CHLSN: variants seen among roughly 807,000 people sequenced by gnomAD.
CHLSN encodes protein cholesin.
At chr7:986,210 C>T in the CHLSN span, among the ~76,000 whole-genome samples, 2 of 152,088 alleles carry the variant, frequency 1.3e-5, no homozygotes, top group South Asian at 2.1e-4. Context: ...CAGGCAGTCA[C>T]GGAGCACCCG....
the CHLSN span, among the ~76,000 whole-genome samples, chr7:1,070,825 A>ACACGTTCG: frequency 6.8e-6 from 1 of 147,318 alleles, no homozygotes. Context: ...CCACACGTGC[A>ACACGTTCG]CACATATACA....
the CHLSN span, among the ~76,000 whole-genome samples, chr7:1,123,503 C>T: frequency 2.0e-4 from 30 of 152,120 alleles, no homozygotes; most frequent in Non-Finnish European, 3.7e-4. The surrounding 1 kb of genome is among the most constrained non-coding windows in gnomAD (Gnocchi z 4.4). Context: ...CAGTACTTTT[C>T]CACACGCTCC....
the CHLSN span, among the ~76,000 whole-genome samples, chr7:1,109,752 C>T: frequency 6.6e-6 from 1 of 151,988 alleles, no homozygotes; most frequent in Admixed American, 6.6e-5. Flanking sequence ...GGCGGCGGAG[C>T]CCTTCCCGCC....
chr7:1,138,196 CA>C, the CHLSN span: 1 of 55,114 alleles, frequency 1.8e-5, no homozygotes, highest in African/African-American at 1.4e-4. Context: ...TACCTGCGCC[CA>C]CCTGCGCCCA....
the CHLSN span, chr7:1,010,272 T>TAATGATAC: frequency 1.2e-6 from 1 of 817,706 alleles, no homozygotes; most frequent in Admixed American, 3.1e-5. Flanking sequence ...GCACTGGGTC[T>TAATGATAC]GGCCCCAGCC....
chr7:1,130,430 G>A, the CHLSN span, among the ~76,000 whole-genome samples: 2 of 152,178 alleles, frequency 1.3e-5, no homozygotes, highest in South Asian at 2.1e-4. Flanking sequence ...GGAGAAGCAG[G>A]GGCCCGGCCC....
At chr7:1,085,538 G>C in the CHLSN span, among the ~76,000 whole-genome samples, 1 of 152,182 alleles carries the variant, frequency 6.6e-6, no homozygotes, top group Non-Finnish European at 1.5e-5. Context: ...CAAGCACGCA[G>C]AGCACCGCAC....
the CHLSN span, among the ~76,000 whole-genome samples, chr7:987,879 CCT>C: frequency 2.2e-4 from 33 of 150,464 alleles, no homozygotes; most frequent in African/African-American, 6.4e-4. Context: ...CTGGGGATCC[CCT>C]GTGTGTCCTG....
chr7:1,091,587 C>T, the CHLSN span: 1 of 706,688 alleles, frequency 1.4e-6, no homozygotes, highest in Non-Finnish European at 2.4e-6. Context: ...ACCACAGGTG[C>T]TCCTCCTGGG....
the CHLSN span, chr7:1,137,206 C>G: frequency 6.5e-6 from 1 of 152,678 alleles, no homozygotes; most frequent in African/African-American, 2.4e-5. Context: ...CCTGCTGTTT[C>G]CCCTGCACCT....
chr7:1,001,208 A>C, the CHLSN span, among the ~76,000 whole-genome samples: 1 of 152,328 alleles, frequency 6.6e-6, no homozygotes, highest in South Asian at 2.1e-4. Flanking sequence ...AGGGCAGCCG[A>C]GCCCAGAAGC....
chr7:1,004,915 G>A, the CHLSN span, among the ~76,000 whole-genome samples: 3,846 of 152,216 alleles, frequency 0.025, 168 homozygotes, highest in African/African-American at 0.088. Context: ...TGCCTAGAGC[G>A]TCCCAGAGAG....
chr7:1,071,517 G>A, the CHLSN span, among the ~76,000 whole-genome samples: 15 of 152,098 alleles, frequency 9.9e-5, no homozygotes, highest in Non-Finnish European at 2.2e-4. Context: ...CACAAAAACT[G>A]ATGAGTCCAC....
At chr7:1,136,429 T>A in the CHLSN span, among the ~76,000 whole-genome samples, 2 of 123,358 alleles carry the variant, frequency 1.6e-5, no homozygotes, top group Admixed American at 8.8e-5. Context: ...TAAATATATA[T>A]AAACATATAT....
At chr7:987,008 C>T in the CHLSN span, 10 of 1,396,388 alleles carry the variant, frequency 7.2e-6, no homozygotes, top group Non-Finnish European at 9.4e-6. Flanking sequence ...GAGCCCAGAT[C>T]ACCGGGGCAT....
chr7:1,030,467 C>T, the CHLSN span, among the ~76,000 whole-genome samples: 3 of 152,172 alleles, frequency 2.0e-5, no homozygotes, highest in Non-Finnish European at 2.9e-5. Flanking sequence ...GGGATGGGGA[C>T]GTGGTGCCGG....
chr7:987,303 C>T, the CHLSN span: 369 of 1,524,228 alleles, frequency 2.4e-4, no homozygotes, highest in Non-Finnish European at 2.9e-4. Flanking sequence ...CCCCCAGGGA[C>T]GAGGGATGGC....
the CHLSN span, among the ~76,000 whole-genome samples, chr7:1,105,496 TACTC>T: frequency 6.6e-6 from 1 of 152,226 alleles, no homozygotes; most frequent in East Asian, 1.9e-4. Flanking sequence ...CGCTGATCGT[TACTC>T]ACTCCACAGA....
chr7:1,006,970 G>A, the CHLSN span, among the ~76,000 whole-genome samples: 4 of 152,222 alleles, frequency 2.6e-5, no homozygotes, highest in African/African-American at 9.6e-5. Context: ...ACAGGTCACA[G>A]GCCAAGGTCA....
Sources: gnomAD v4.1 joint callset for allele counts (sites outside exome capture counted in the v4.1 genomes callset) on GRCh38, gnomAD v4.1.1 for gene constraint, Gnocchi (gnomAD v3.1) non-coding constraint, MANE v1.5 for transcripts, NCBI Gene and HGNC (gene_info 2026-07-23, HGNC 2026-07-21) for gene names.